GPC6: variants seen among roughly 807,000 people sequenced by gnomAD.
GPC6 encodes the protein glypican 6, also known as glypican-6.
In GPC6, 14 loss-of-function variants were observed where a neutral mutation model predicts 55.2. That is an observed-to-expected ratio of 0.25 (90% CI 0.17 to 0.40). GPC6 has a LOEUF of 0.40. Ranked by LOEUF, GPC6 falls within the 10% of genes least tolerant of loss-of-function variation. The pLI, the probability that GPC6 is intolerant of heterozygous loss-of-function variation, is 1.00. For synonymous variants in GPC6, 278 were observed against 259.6 expected (o/e 1.07, Z -0.68); for missense variants, 641 against 708.5 (o/e 0.90, Z 1.08).
Position 93,950,183 on chromosome 13 carries a change from C to T in GPC6, c.712-77546C>T, listed in dbSNP as rs148874277. 7.9e-5 allele frequency among the ~76,000 whole-genome samples: 12 copies of T among 152,080 alleles called. No individual in the cohort carries two copies. In the East Asian group the frequency reaches 1.4e-3, roughly 17 times the overall value. On this transcript the variant is annotated intron_variant, in intron 3 of 8. Coordinates refer to ENST00000377047, the MANE Select transcript of GPC6 (RefSeq NM_005708.5). ...ATTTTATGTCATATATATTTTACCACGATAAAAATTAAATAAATAAGTAGA... is the reference window on the plus strand; with the variant it reads ...ATTTTATGTCATATATATTTTACCATGATAAAAATTAAATAAATAAGTAGA...
intron 1 of GPC6, among the ~76,000 whole-genome samples, chr13:93,248,769 A>G (rs1594051801): frequency 6.6e-6 from 1 of 152,232 alleles, no homozygotes; most frequent in East Asian, 1.9e-4. Context: ...ACCACCTTCA[A>G]CCGCATTTCA....
At chr13:93,891,755 A>G (rs1875696163) in intron 3 of GPC6, among the ~76,000 whole-genome samples, 1 of 152,058 alleles carries the variant, frequency 6.6e-6, no homozygotes, top group Non-Finnish European at 1.5e-5. Context: ...ACACATGTAT[A>G]TATAAATGGT....
At chr13:94,168,262 AC>A (rs1341746417) in intron 4 of GPC6, among the ~76,000 whole-genome samples, 1 of 152,156 alleles carries the variant, frequency 6.6e-6, no homozygotes, top group African/African-American at 2.4e-5. Context: ...CTTCTGTGAT[AC>A]TGGATGGAGG....
chr13:93,506,439 C>T (rs1880716651), intron 1 of GPC6, among the ~76,000 whole-genome samples: 1 of 152,132 alleles, frequency 6.6e-6, no homozygotes, highest in Non-Finnish European at 1.5e-5. Context: ...GATCATTATA[C>T]TAGCATGTCC....
At chr13:93,514,588 C>A (rs1244909772) in intron 1 of GPC6, among the ~76,000 whole-genome samples, 1 of 152,174 alleles carries the variant, frequency 6.6e-6, no homozygotes, top group African/African-American at 2.4e-5. Context: ...TGGAACTACT[C>A]CCACATATAC....
intron 6 of GPC6, among the ~76,000 whole-genome samples, chr13:94,359,823 T>A (rs944838559): frequency 1.3e-5 from 2 of 152,234 alleles, no homozygotes; most frequent in Non-Finnish European, 2.9e-5. Flanking sequence ...CTCCAAGCGC[T>A]TTGGATTTGG....
At chr13:93,797,944 C>T (rs1886251607) in intron 2 of GPC6, among the ~76,000 whole-genome samples, 1 of 152,012 alleles carries the variant, frequency 6.6e-6, no homozygotes, top group African/African-American at 2.4e-5. Context: ...GGGTAATAGG[C>T]CCTGGAATTG....
chr13:93,974,191 A>G (rs1279772424), intron 3 of GPC6, among the ~76,000 whole-genome samples: 1 of 152,210 alleles, frequency 6.6e-6, no homozygotes. Context: ...CTGGTAATAT[A>G]CAAGTGTTAC....
At chr13:93,585,686 G>A (rs1319840952) in intron 2 of GPC6, among the ~76,000 whole-genome samples, 1 of 152,148 alleles carries the variant, frequency 6.6e-6, no homozygotes, top group Non-Finnish European at 1.5e-5. Context: ...CAAGACTTTT[G>A]AGGGGGCACT....
chr13:93,890,235 C>T (rs1875586878), intron 3 of GPC6, among the ~76,000 whole-genome samples: 1 of 152,116 alleles, frequency 6.6e-6, no homozygotes, highest in Non-Finnish European at 1.5e-5. Flanking sequence ...CTTCTCCAAA[C>T]CACTAGGATG....
intron 3 of GPC6, among the ~76,000 whole-genome samples, chr13:93,838,851 A>T (rs1887840194): frequency 6.6e-6 from 1 of 152,146 alleles, no homozygotes; most frequent in Non-Finnish European, 1.5e-5. Context: ...ACTGTTTGGG[A>T]ACAGTTGTCT....
At chr13:93,257,074 G>A (rs570524064) in intron 1 of GPC6, among the ~76,000 whole-genome samples, 2 of 152,226 alleles carry the variant, frequency 1.3e-5, no homozygotes, top group South Asian at 4.1e-4. Context: ...GGAGGCTGAG[G>A]TGGGAGGATT....
rs945257241 is a variant in GPC6, at chr13:93,530,135, C to T, written c.161-15128C>T. 7.9e-5 allele frequency among the ~76,000 whole-genome samples: 12 copies of T among 152,094 alleles called. No individual in the cohort carries two copies. In the East Asian group the frequency reaches 1.5e-3, roughly 20 times the overall value. The stretch of plus-strand genomic sequence containing the variant: ...AAGGAATATGGAACCTTAGGTCTTT[C>T]GTAACAGTAGCATAGAGTAACAGCT... On this transcript the variant is annotated intron_variant, in intron 1 of 8. Transcript: ENST00000377047.
At chr13:93,565,215 A>AG (rs1474238038) in intron 2 of GPC6, among the ~76,000 whole-genome samples, 1 of 151,980 alleles carries the variant, frequency 6.6e-6, no homozygotes, top group Non-Finnish European at 1.5e-5. Flanking sequence ...ATCTGTTGAA[A>AG]GGGGGGAGAA....
chr13:94,118,089 G>T (rs917340255), intron 4 of GPC6, among the ~76,000 whole-genome samples: 1 of 152,064 alleles, frequency 6.6e-6, no homozygotes. Flanking sequence ...GAAGAAATAT[G>T]AAGAAGAATG....
intron 4 of GPC6, among the ~76,000 whole-genome samples, chr13:94,105,605 A>C (rs1361316256): frequency 1.3e-5 from 2 of 152,202 alleles, no homozygotes; most frequent in African/African-American, 4.8e-5. Context: ...AAGGTGAGAG[A>C]GAGCATATGG....
chr13:93,977,469 T>G (rs1296103744), intron 3 of GPC6, among the ~76,000 whole-genome samples: 44 of 4,060 alleles, frequency 0.011, no homozygotes, highest in African/African-American at 0.031. Flanking sequence ...TGACAAGGGG[T>G]GTGTGTGTGT....
chr13:93,617,432 T>G (rs1172487397), intron 2 of GPC6, among the ~76,000 whole-genome samples: 1 of 151,978 alleles, frequency 6.6e-6, no homozygotes, highest in East Asian at 1.9e-4. Flanking sequence ...TTGAAAGCAA[T>G]GAAGAGAGAG....
At chr13:93,297,857 G>T (rs113882919) in intron 1 of GPC6, among the ~76,000 whole-genome samples, 15 of 152,264 alleles carry the variant, frequency 9.9e-5, no homozygotes, top group African/African-American at 3.4e-4. Flanking sequence ...AATGCGATGG[G>T]ACATAAGTAG....
Sources: gnomAD v4.1 joint callset for allele counts (sites outside exome capture counted in the v4.1 genomes callset) on GRCh38, gnomAD v4.1.1 for gene constraint, MANE v1.5 for transcripts, NCBI Gene and HGNC (gene_info 2026-07-23, HGNC 2026-07-21) for gene names.